Variants in FAM13A observed in about 807,000 individuals in gnomAD.
The protein encoded by FAM13A is family with sequence similarity 13 member A, also known as protein FAM13A.
Under a neutral mutation model 129.6 loss-of-function variants are expected in FAM13A, and 76 were observed. That is an observed-to-expected ratio of 0.59 (90% CI 0.49 to 0.71). The LOEUF (loss-of-function observed/expected upper bound fraction) is 0.71. Among genes scored for constraint, FAM13A ranks in the 30% least tolerant of loss-of-function variants. The pLI is 0.00. For missense variants in FAM13A, 1,108 were observed against 1,249.3 expected, an observed-to-expected ratio of 0.89 and a Z score of 1.70; for synonymous variants, 443 against 449.9, an observed-to-expected ratio of 0.98 and a Z score of 0.20.
At chr4:88,985,311 A>G (rs574270054) in intron 4 of FAM13A, among the ~76,000 whole-genome samples, 1 of 152,184 alleles carries the variant, frequency 6.6e-6, no homozygotes, top group South Asian at 2.1e-4. Context: ...TTGGGAAGAA[A>G]TGGGAAGTGA....
chr4:88,790,282 C>T (rs1724857604), intron 9 of FAM13A, among the ~76,000 whole-genome samples: 1 of 152,014 alleles, frequency 6.6e-6, no homozygotes, highest in African/African-American at 2.4e-5. Flanking sequence ...TGCAAGATGC[C>T]TCCCAAAGTA....
intron 3 of FAM13A, among the ~76,000 whole-genome samples, chr4:89,015,416 T>G (rs1396599059): frequency 6.6e-6 from 1 of 152,226 alleles, no homozygotes; most frequent in Non-Finnish European, 1.5e-5. Flanking sequence ...TGCTGACATG[T>G]GATGTCTCCC....
At chr4:88,862,254 T>A (rs1035935234) in intron 6 of FAM13A, among the ~76,000 whole-genome samples, 1 of 152,212 alleles carries the variant, frequency 6.6e-6, no homozygotes, top group Non-Finnish European at 1.5e-5. Flanking sequence ...AATGTATATA[T>A]ACAATGCTAT....
chr4:88,808,618 G>A (rs1381657670), intron 7 of FAM13A, among the ~76,000 whole-genome samples: 2 of 152,032 alleles, frequency 1.3e-5, no homozygotes, highest in Non-Finnish European at 2.9e-5. Flanking sequence ...AATGAAGAAG[G>A]AAGTGTGTGT....
At chr4:88,986,041 G>A (rs79109618) in intron 4 of FAM13A, among the ~76,000 whole-genome samples, 15 of 151,956 alleles carry the variant, frequency 9.9e-5, no homozygotes, top group African/African-American at 3.6e-4. Flanking sequence ...TAATAAAAAT[G>A]TTTTCCAAAG....
At chr4:88,936,815 TATC>T (rs1453161166) in intron 5 of FAM13A, 9 of 152,212 alleles carry the variant, frequency 5.9e-5, no homozygotes, top group African/African-American at 2.2e-4. Flanking sequence ...TATTTTTAAT[TATC>T]ATTATAGGTC....
chr4:88,845,828 T>C (rs970814085), intron 7 of FAM13A, among the ~76,000 whole-genome samples: 3 of 152,178 alleles, frequency 2.0e-5, no homozygotes, highest in Non-Finnish European at 2.9e-5. Context: ...AAGGAATAAA[T>C]AGATAAGAAA....
intron 20 of FAM13A, among the ~76,000 whole-genome samples, chr4:88,737,879 A>G (rs1739336290): frequency 6.6e-6 from 1 of 152,166 alleles, no homozygotes; most frequent in Non-Finnish European, 1.5e-5. Context: ...GTTAACCACA[A>G]GAACACTTCG....
chr4:88,825,069 C>G (rs35019968), intron 7 of FAM13A, among the ~76,000 whole-genome samples: 40,941 of 151,930 alleles, frequency 0.27, 6,215 homozygotes, highest in East Asian at 0.61. Context: ...GATGAGTAAA[C>G]TTGGTACTAG....
intron 6 of FAM13A, among the ~76,000 whole-genome samples, chr4:88,895,120 A>C (rs1746061776): frequency 6.6e-6 from 1 of 152,114 alleles, no homozygotes; most frequent in African/African-American, 2.4e-5. Flanking sequence ...TAGTTAGTAC[A>C]ATGCTTGGCA....
chr4:88,759,848 G>A (rs780870420), intron 13 of FAM13A, among the ~76,000 whole-genome samples: 1 of 152,090 alleles, frequency 6.6e-6, no homozygotes, highest in Non-Finnish European at 1.5e-5. Flanking sequence ...AACTGCACTC[G>A]AATTAATTTT....
chr4:88,967,050 A>G (rs981880015), intron 4 of FAM13A, among the ~76,000 whole-genome samples: 12 of 152,312 alleles, frequency 7.9e-5, no homozygotes, highest in South Asian at 4.1e-4. Flanking sequence ...CTTAGCTCAC[A>G]TGGTCTATTT....
chr4:88,734,251 C>T (rs1419474198), intron 21 of FAM13A, among the ~76,000 whole-genome samples: 11 of 152,136 alleles, frequency 7.2e-5, no homozygotes, highest in Admixed American at 7.2e-4. Context: ...GGAAAGCTGG[C>T]TTCCCAAATT....
At chr4:89,042,762 T>TC (rs5860150) in intron 1 of FAM13A, among the ~76,000 whole-genome samples, 88,974 of 152,020 alleles carry the variant, frequency 0.59, 26,616 homozygotes, top group Middle Eastern at 0.68. Flanking sequence ...TATGTTTTTT[T>TC]CTATTTAGCC....
chr4:88,735,013 G>A (rs533861840), intron 21 of FAM13A, among the ~76,000 whole-genome samples: 1 of 152,328 alleles, frequency 6.6e-6, no homozygotes, highest in East Asian at 1.9e-4. Flanking sequence ...ATAAACTGGT[G>A]TGTGTGCACA....
intron 5 of FAM13A, among the ~76,000 whole-genome samples, chr4:88,927,431 GT>G (rs879692983): frequency 0.014 from 1,855 of 132,154 alleles, 33 homozygotes; most frequent in African/African-American, 0.046. Flanking sequence ...CAATTTGGAT[GT>G]CTTTTTTTTT....
chr4:88,832,919 T>C (rs1040200279), intron 7 of FAM13A, among the ~76,000 whole-genome samples: 3 of 152,092 alleles, frequency 2.0e-5, no homozygotes, highest in Admixed American at 6.6e-5. Context: ...ATTATAAAGA[T>C]ACATGCACAT....
chr4:88,730,691 C>T (rs967760089), intron 23 of FAM13A, among the ~76,000 whole-genome samples: 11 of 152,178 alleles, frequency 7.2e-5, no homozygotes, highest in African/African-American at 1.4e-4. Context: ...CACGCCTGGC[C>T]GACTTACTGA....
At chr4:88,749,499 A>C (rs920558531) in intron 16 of FAM13A, among the ~76,000 whole-genome samples, 7 of 152,246 alleles carry the variant, frequency 4.6e-5, no homozygotes, top group African/African-American at 7.2e-5. Context: ...GATTTCATTC[A>C]ACAATTTCTC....
Sources: gnomAD v4.1 joint callset for allele counts (sites outside exome capture counted in the v4.1 genomes callset) on GRCh38, gnomAD v4.1.1 for gene constraint, MANE v1.5 for transcripts, NCBI Gene and HGNC (gene_info 2026-07-23, HGNC 2026-07-21) for gene names.